PGD: variants seen among roughly 807,000 people sequenced by gnomAD.
The protein encoded by PGD is phosphogluconate dehydrogenase.
In PGD, 21 loss-of-function variants were observed where a neutral mutation model predicts 60.4. The ratio of observed to expected loss-of-function variants is 0.35; its 90% CI spans 0.25 to 0.50. PGD has a LOEUF of 0.50. Ranked by LOEUF, PGD falls within the 20% of genes least tolerant of loss-of-function variation. The pLI is 0.98. For missense variants in PGD, 477 were observed against 613.1 expected (o/e 0.78, Z 2.34); for synonymous variants, 230 against 235.9 (o/e 0.97, Z 0.23).
intron 8 of PGD, among the ~76,000 whole-genome samples, chr1:10,414,355 G>A (rs1314232539): frequency 1.3e-5 from 2 of 151,978 alleles, no homozygotes; most frequent in African/African-American, 4.8e-5. Flanking sequence ...CAAAATCTTG[G>A]CCGGGGGGGT....
At position 10,417,005 on chromosome 1, in the gene PGD, G is replaced by C; in HGVS notation, c.863G>C (p.Arg288Pro). The change falls in exon 9 of 13, where the codon CGG (arginine) becomes CCG (proline). Residue 288 changes from arginine (R) to proline (P), a missense_variant. Physicochemically the swap from Arg to Pro is moderately radical, Grantham distance 103. Coordinates refer to ENST00000270776, the MANE Select transcript of PGD (RefSeq NM_002631.4). ...CATGTAGGAGAAGCTGTCTTTGCTC[G>C]GTGCTTATCATCTCTGAAGGATGAG... The part of the protein sequence containing the change: ...VTLIGEAVFA[R>P]CLSSLKDERI... 1 of 1,613,560 alleles carries C rather than the reference G, an allele frequency of 6.2e-7. No individual in the cohort carries two copies. Among genetic ancestry groups the C allele is most frequent in the Non-Finnish European group, 8.5e-7 (1 of 1,179,618 alleles).
chr1:10,402,969 C>G (rs2102386283), intron 3 of PGD, 102 bp from the exon 4 acceptor site: 1 of 846,970 alleles, frequency 1.2e-6, no homozygotes, highest in South Asian at 1.4e-5. Context: ...CAGAACGAGA[C>G]TCTTTTTAGA....
chr1:10,408,218 C>T (rs1639440458), intron 6 of PGD, 78 bp downstream of exon 6: 1 of 828,182 alleles, frequency 1.2e-6, no homozygotes, highest in Non-Finnish European at 2.1e-6. Flanking sequence ...AGAAAGGCCA[C>T]CGTGGTCTCC....
chr1:10,416,283 T>C (rs913423250), intron 8 of PGD, among the ~76,000 whole-genome samples: 2 of 152,194 alleles, frequency 1.3e-5, no homozygotes, highest in Admixed American at 1.3e-4. Context: ...TATCTCTTCA[T>C]TTTCCCTCAA....
At position 10,418,901 on chromosome 1, in the gene PGD, T is replaced by C. The variant is rs141172833; in HGVS notation, c.1185T>C (p.Phe395=). The C allele has an allele frequency of 3.0e-5, 49 of 1,610,102 alleles. No individual in the cohort carries two copies. Among genetic ancestry groups the C allele is most frequent in the Non-Finnish European group, 3.9e-5 (46 of 1,176,556 alleles). The part of the protein sequence containing the change: ...ELQNLLLDDF[F]KSAVENCQDS... ...AGAACCTCCTACTGGACGACTTCTT[T>C]AAGTCAGCTGTTGAAAACTGCCAGG... Residue 395 remains phenylalanine, a synonymous_variant, in exon 11 of 13, where the codon TTT becomes TTC. Coordinates refer to ENST00000270776, the MANE Select transcript of PGD (RefSeq NM_002631.4).
At position 10,413,048 on chromosome 1, in the gene PGD, T is replaced by C. The variant is rs1639524809; in HGVS notation, c.655-14T>C. 1.2e-6 allele frequency: 2 copies of C among 1,610,792 alleles called. No homozygotes were observed. The highest frequency in any genetic ancestry group is 1.7e-6 in the Non-Finnish European group (2 of 1,177,104). On this transcript the variant is annotated splice_polypyrimidine_tract_variant and intron_variant, in intron 7 of 12. Coordinates refer to ENST00000270776, the MANE Select transcript of PGD (RefSeq NM_002631.4). ...ATTCCTCTAACATGGTTCTCTCCTG[T>C]GTTCTGCATGTAGGCCTTTGAGGAT...
At chr1:10,419,588 C>T (rs758727716) in intron 12 of PGD, 42 bp from the exon 13 acceptor site, 11 of 1,613,936 alleles carry the variant, frequency 6.8e-6, no homozygotes, top group South Asian at 3.3e-5. Flanking sequence ...CGGGGGCGTG[C>T]GCCATGGACT....
chr1:10,413,877 C>T (rs927715792), intron 8 of PGD, among the ~76,000 whole-genome samples: 47 of 152,032 alleles, frequency 3.1e-4, no homozygotes, highest in Non-Finnish European at 3.1e-4. Context: ...TGCACTCCAG[C>T]CTGGGTGACA....
chr1:10,400,655 A>T, intron 3 of PGD, 83 bp downstream of exon 3: 1 of 1,091,344 alleles, frequency 9.2e-7, no homozygotes, highest in Non-Finnish European at 1.3e-6. Context: ...TTTTAACTCT[A>T]GAGATTTTTT....
intron 8 of PGD, among the ~76,000 whole-genome samples, chr1:10,413,456 A>G (rs988005219): frequency 1.3e-5 from 2 of 152,292 alleles, no homozygotes; most frequent in East Asian, 1.9e-4. Context: ...TTCTTATCTC[A>G]TTCGTACAAA....
chr1:10,416,999 T>C lies in PGD; in HGVS notation c.857T>C (p.Phe286Ser). ...VPVTLIGEAV[F>S]ARCLSSLKDE... ...TCTCCCCATGTAGGAGAAGCTGTCT[T>C]TGCTCGGTGCTTATCATCTCTGAAG... The change falls in exon 9 of 13, where the codon TTT (phenylalanine) becomes TCT (serine). Residue 286 changes from phenylalanine (F) to serine (S), a missense_variant. By Grantham distance (155) the Phe-to-Ser change is radical (BLOSUM62 -2). Around this residue, in one of 3 missense-constraint regions of PGD, gnomAD observed 431 missense variants for 556.6 expected, o/e 0.77. Coordinates refer to ENST00000270776, the MANE Select transcript of PGD (RefSeq NM_002631.4). 6.2e-7 allele frequency: 1 copy of C among 1,613,632 alleles called. No individual in the cohort carries two copies. The highest frequency in any genetic ancestry group is 8.5e-7 in the Non-Finnish European group (1 of 1,179,606).
intron 8 of PGD, among the ~76,000 whole-genome samples, chr1:10,416,250 T>C (rs922776096): frequency 3.9e-5 from 6 of 152,190 alleles, no homozygotes; most frequent in African/African-American, 1.4e-4. Context: ...TTAGCCACCT[T>C]GCCCAGCCAT....
chr1:10,409,896 T>C (rs1422528666), intron 6 of PGD, among the ~76,000 whole-genome samples: 1 of 152,014 alleles, frequency 6.6e-6, no homozygotes, highest in Non-Finnish European at 1.5e-5. Context: ...CTTCAAGTAA[T>C]CGGCCCACCT....
At chr1:10,400,362 G>C in intron 2 of PGD, 31 bp from the exon 3 acceptor site, 4 of 1,523,262 alleles carry the variant, frequency 2.6e-6, no homozygotes, top group Non-Finnish European at 3.6e-6. Flanking sequence ...GTGTGTCCTG[G>C]ATCTCCTACT....
Position 10,404,170 on chromosome 1 carries a change from C to G in PGD, c.340C>G (p.Arg114Gly). Residue 114 changes from arginine (R) to glycine (G), a missense_variant, in exon 5 of 13, where the codon CGA (arginine) becomes GGA (glycine). Coordinates refer to ENST00000270776, the MANE Select transcript of PGD (RefSeq NM_002631.4). ...TTTTTCTGTCCTTCAGAGACGGTGC[C>G]GAGACCTCAAGGCCAAGGGAATTTT... ...SEYRDTTRRCRDLKAKGILFV... is the reference protein window; with the variant it reads ...SEYRDTTRRCGDLKAKGILFV... The G allele has an allele frequency of 3.1e-6, 5 of 1,610,986 alleles. No homozygotes were observed. Among genetic ancestry groups the G allele is most frequent in the Non-Finnish European group, 2.5e-6 (3 of 1,178,118 alleles).
rs1200326275 is a variant in PGD at position 10,419,749 on chromosome 1, A to T, written c.1452A>T (p.Ter484CysextTer39). The T allele has an allele frequency of 1.9e-6, 3 of 1,614,062 alleles. No homozygotes were observed. The highest frequency in any genetic ancestry group is 2.5e-6 in the Non-Finnish European group (3 of 1,180,036). Residue 484 changes from the stop codon to cysteine (C), a stop_lost, in exon 13 of 13, where the codon TGA (stop) becomes TGT (cysteine). Coordinates refer to ENST00000270776, the MANE Select transcript of PGD (RefSeq NM_002631.4). ...GTVSSSSYNA[*>C] is the part of the protein sequence containing the mutation. ...TGTCATCCTCGTCATACAATGCCTG[A>T]TCATGCTGCTCCTGTCACCCTCCAC...
intron 7 of PGD, 172 bp from the exon 8 acceptor site, chr1:10,412,890 A>G (rs1454410784): frequency 6.8e-6 from 4 of 585,272 alleles, no homozygotes; most frequent in South Asian, 4.3e-5. Context: ...AACAAACACA[A>G]CTGACTCTGG....
At chr1:10,412,965 C>A in intron 7 of PGD, 97 bp from the exon 8 acceptor site, 1 of 1,036,580 alleles carries the variant, frequency 9.6e-7, no homozygotes, top group Non-Finnish European at 1.4e-6. Context: ...AGCCTGCTGG[C>A]AACCGTGAGC....
rs1238065596 is a variant in PGD, at chr1:10,408,117, A to G, written c.496A>G (p.Thr166Ala). The change falls in exon 6 of 13, where the codon ACT becomes GCT. Residue 166 changes from threonine to alanine, a missense_variant. Physicochemically the swap from Thr to Ala is moderately conservative, Grantham distance 58. Coordinates refer to ENST00000270776, the MANE Select transcript of PGD (RefSeq NM_002631.4). ...CCAAGGCATTGCTGCAAAAGTGGGA[A>G]CTGGAGAACCCTGCTGTGACTGGGC... ...IFQGIAAKVGTGEPCCDWVGD... is the reference protein window; with the variant it reads ...IFQGIAAKVGAGEPCCDWVGD... 2 of 1,603,164 alleles carry G rather than the reference A, an allele frequency of 1.2e-6. No homozygotes were observed. Among genetic ancestry groups the G allele is most frequent in the East Asian group, 4.5e-5 (2 of 44,846 alleles).
Sources: allele counts gnomAD v4.1 joint callset (sites outside exome capture counted in the v4.1 genomes callset), GRCh38; gene constraint gnomAD v4.1.1; regional missense constraint gnomAD v4.1.1; transcripts MANE v1.5; gene names NCBI Gene and HGNC (gene_info 2026-07-23, HGNC 2026-07-21).